RPTOR: variants seen among roughly 807,000 people sequenced by gnomAD.
The protein encoded by RPTOR is regulatory associated protein of MTOR complex 1.
In RPTOR, 21 loss-of-function variants were observed where a neutral mutation model predicts 169.9. The ratio of observed to expected loss-of-function variants is 0.12; its 90% CI spans 0.09 to 0.18. The LOEUF (loss-of-function observed/expected upper bound fraction) is 0.18, where lower values mean the gene tolerates loss of function less well. Among genes scored for constraint, RPTOR ranks in the 10% least tolerant of loss-of-function variants. RPTOR has a pLI of 1.00. For synonymous variants in RPTOR, 732 were observed against 753.2 expected (o/e 0.97, Z 0.46); for missense variants, 1,133 against 1,855.9 (o/e 0.61, Z 7.16).
intron 14 of RPTOR, among the ~76,000 whole-genome samples, chr17:80,881,817 G>A (rs779400080): frequency 3.3e-5 from 5 of 152,146 alleles, no homozygotes; most frequent in Admixed American, 6.5e-5. Context: ...GTGAGACCCC[G>A]TCTCCACTCA....
rs1004035427 is a variant in RPTOR at position 80,964,545 on chromosome 17, G to A, written c.*215G>A. The stretch of plus-strand genomic sequence containing the variant: ...AGGGAAGGGGAGGGCTCGGGTTGAC[G>A]GTGGCTTCCCACTGAGCACCAGCAT... On this transcript the variant is annotated 3_prime_UTR_variant, in exon 34 of 34. Transcript: ENST00000306801. The A allele has an allele frequency of 2.5e-5, 15 of 592,034 alleles. No individual in the cohort carries two copies. The highest frequency in any genetic ancestry group is 7.4e-5 in the African/African-American group (4 of 53,844). The allele number at this position is 592,034 out of a possible 1,614,324, so 36.7% of individuals were successfully genotyped here. A position where few individuals can be genotyped will look rare whatever the true frequency, so the allele number is the denominator to read the frequency against.
At chr17:80,720,447 A>G (rs1381302359) in intron 4 of RPTOR, among the ~76,000 whole-genome samples, 2 of 152,252 alleles carry the variant, frequency 1.3e-5, no homozygotes, top group African/African-American at 2.4e-5. Flanking sequence ...TGTCCAAGAA[A>G]AAGTTTTATG....
At chr17:80,613,554 G>A (rs756906823) in intron 1 of RPTOR, among the ~76,000 whole-genome samples, 5 of 152,236 alleles carry the variant, frequency 3.3e-5, no homozygotes, top group Non-Finnish European at 7.3e-5. Flanking sequence ...CAGGACACAG[G>A]TGCTGTCTAT....
intron 1 of RPTOR, among the ~76,000 whole-genome samples, chr17:80,621,196 A>T (rs1419650182): frequency 6.6e-6 from 1 of 152,222 alleles, no homozygotes; most frequent in Non-Finnish European, 1.5e-5. Context: ...ACTTGCTGAC[A>T]GGCACAGTGA....
intron 5 of RPTOR, among the ~76,000 whole-genome samples, chr17:80,740,960 C>T (rs35434628): frequency 0.17 from 26,054 of 152,122 alleles, 3,393 homozygotes; most frequent in African/African-American, 0.36. Context: ...ATCAGGGAAA[C>T]GCAAATCAAA....
chr17:80,674,095 C>T (rs184938571), intron 3 of RPTOR, among the ~76,000 whole-genome samples: 2 of 152,316 alleles, frequency 1.3e-5, no homozygotes, highest in Admixed American at 1.3e-4. Flanking sequence ...ATTCTCCCAC[C>T]CAAGGTTCAT....
At chr17:80,883,273 G>A (rs953755894) in intron 14 of RPTOR, 146 bp from the exon 15 acceptor site, 6 of 724,444 alleles carry the variant, frequency 8.3e-6, no homozygotes, top group South Asian at 1.7e-5. Context: ...TAGAGTCCAC[G>A]TAAAATCCAG....
At chr17:80,716,374 T>G (rs1163135421) in intron 4 of RPTOR, among the ~76,000 whole-genome samples, 1 of 152,244 alleles carries the variant, frequency 6.6e-6, no homozygotes, top group Non-Finnish European at 1.5e-5. Context: ...TATCTTCTTC[T>G]GATAATTGTC....
intron 6 of RPTOR, among the ~76,000 whole-genome samples, chr17:80,766,706 A>G (rs74001014): frequency 0.026 from 4,022 of 152,298 alleles, 191 homozygotes; most frequent in African/African-American, 0.092. Flanking sequence ...TCACTAGGGA[A>G]AGAAACAGGC....
At chr17:80,662,132 TCA>T in intron 3 of RPTOR, among the ~76,000 whole-genome samples, 1 of 152,162 alleles carries the variant, frequency 6.6e-6, no homozygotes, top group Middle Eastern at 3.2e-3. Context: ...TCCTGCTTAA[TCA>T]CACTCAAAGC....
At position 80,819,457 on chromosome 17, in the gene RPTOR, G is replaced by T. The variant is rs150418443; in HGVS notation, c.891-2744G>T. Among the ~76,000 whole-genome samples, 3 of 152,290 alleles carry T rather than the reference G, an allele frequency of 2.0e-5. No individual in the cohort carries two copies. In the East Asian group the frequency reaches 5.8e-4, roughly 29 times the overall value. ...TTTAACTGCTTGTAGCTGCTGCGTC[G>T]TGGTTGTTGCGTGGTTTGTTTAATC... On this transcript the variant is annotated intron_variant, in intron 7 of 33. Transcript: ENST00000306801.
At chr17:80,772,599 C>A (rs1410997073) in intron 6 of RPTOR, among the ~76,000 whole-genome samples, 2 of 134,470 alleles carry the variant, frequency 1.5e-5, no homozygotes, top group African/African-American at 2.7e-5. Context: ...TGATGAGGGG[C>A]AGCTGCCCCC....
chr17:80,684,932 A>G (rs2065925529), intron 3 of RPTOR, among the ~76,000 whole-genome samples: 1 of 152,204 alleles, frequency 6.6e-6, no homozygotes. Flanking sequence ...TTAACATTGT[A>G]ACATTTTGCA....
intron 3 of RPTOR, among the ~76,000 whole-genome samples, chr17:80,658,140 A>G (rs1032647302): frequency 7.2e-5 from 11 of 152,142 alleles, no homozygotes; most frequent in African/African-American, 2.4e-4. Context: ...TGGAGTTTCT[A>G]TGTGGATTTT....
chr17:80,737,493 G>A (rs1427170301), intron 5 of RPTOR, among the ~76,000 whole-genome samples: 1 of 152,216 alleles, frequency 6.6e-6, no homozygotes, highest in Non-Finnish European at 1.5e-5. Context: ...CAGGCACACA[G>A]GTGAGACGCC....
chr17:80,837,001 G>A (rs888918727), intron 9 of RPTOR, among the ~76,000 whole-genome samples: 1 of 152,138 alleles, frequency 6.6e-6, no homozygotes, highest in African/African-American at 2.4e-5. Context: ...AAGGATGAGA[G>A]CAGGCAGGGA....
chr17:80,893,517 G>A (rs996216341), intron 19 of RPTOR, among the ~76,000 whole-genome samples, 190 bp from the exon 20 acceptor site: 2 of 149,040 alleles, frequency 1.3e-5, no homozygotes, highest in Non-Finnish European at 1.5e-5. Flanking sequence ...GTATGAGGGT[G>A]TGTGTATGTC....
At chr17:80,572,841 T>C (rs2064921959) in intron 1 of RPTOR, among the ~76,000 whole-genome samples, 1 of 152,266 alleles carries the variant, frequency 6.6e-6, no homozygotes, top group Non-Finnish European at 1.5e-5. Flanking sequence ...ATAATCAGTC[T>C]GTTCCTTTAA....
intron 4 of RPTOR, among the ~76,000 whole-genome samples, chr17:80,716,783 G>T (rs1237337026): frequency 6.6e-6 from 1 of 152,064 alleles, no homozygotes; most frequent in African/African-American, 2.4e-5. Flanking sequence ...ATTCTCCTAC[G>T]TGTGACTTGC....
Sources: allele counts gnomAD v4.1 joint callset (sites outside exome capture counted in the v4.1 genomes callset), GRCh38; gene constraint gnomAD v4.1.1; transcripts MANE v1.5; gene names NCBI Gene and HGNC (gene_info 2026-07-23, HGNC 2026-07-21).